The following HMGN5 variants were observed in gnomAD, a reference collection of about 807,000 sequenced individuals.
HMGN5 encodes high mobility group nucleosome binding domain 5, also known as high mobility group nucleosome-binding domain-containing protein 5.
Under a neutral mutation model 9.5 loss-of-function variants are expected in HMGN5, and 4 were observed. That is an observed-to-expected ratio of 0.42 (90% CI 0.21 to 0.96). The LOEUF (loss-of-function observed/expected upper bound fraction) is 0.96. Ranked by LOEUF, HMGN5 falls within the 40% of genes least tolerant of loss-of-function variation. HMGN5 has a pLI of 0.30. For missense variants in HMGN5, 192 were observed against 187.5 expected, an observed-to-expected ratio of 1.02 and a Z score of -0.14; for synonymous variants, 55 against 57.1, an observed-to-expected ratio of 0.96 and a Z score of 0.16.
intron 1 of HMGN5, among the ~76,000 whole-genome samples, chrX:81,162,884 G>A (rs770833725): frequency 6.3e-5 from 7 of 111,189 alleles, no homozygotes; most frequent in African/African-American, 2.3e-4. Flanking sequence ...GCAGATTATA[G>A]CAAATTGTAG....
chrX:81,163,047 T>G (rs1036090058), intron 1 of HMGN5, among the ~76,000 whole-genome samples: 1 of 111,556 alleles, frequency 9.0e-6, no homozygotes, highest in African/African-American at 3.3e-5. Context: ...TTTTGTGACT[T>G]CCAAAGCTAG....
chrX:81,200,387 C>G (rs2147658709), intron 1 of HMGN5, among the ~76,000 whole-genome samples: 1 of 112,083 alleles, frequency 8.9e-6, no homozygotes, highest in African/African-American at 3.2e-5. Context: ...ATAAATCTTT[C>G]TATAATAAAG....
At chrX:81,178,106 A>G (rs2147641080) in intron 1 of HMGN5, among the ~76,000 whole-genome samples, 1 of 111,988 alleles carries the variant, frequency 8.9e-6, no homozygotes, top group African/African-American at 3.2e-5. Context: ...CCCATAAGAG[A>G]AAGCAGGAAA....
intron 1 of HMGN5, among the ~76,000 whole-genome samples, chrX:81,153,640 T>TATATATATAA (rs2075374973): frequency 1.9e-5 from 1 of 51,409 alleles, no homozygotes; most frequent in African/African-American, 7.8e-5. Context: ...TATATATATA[T>TATATATATAA]GTATCTCCTT....
intron 1 of HMGN5, among the ~76,000 whole-genome samples, chrX:81,197,232 A>C (rs2075511466): frequency 8.9e-6 from 1 of 112,623 alleles, no homozygotes; most frequent in South Asian, 3.6e-4. Context: ...ATTTCTCTGC[A>C]GAAACAGGAA....
At chrX:81,153,552 T>C (rs1425568412) in intron 1 of HMGN5, among the ~76,000 whole-genome samples, 1 of 4,052 alleles carries the variant, frequency 2.5e-4, no homozygotes, top group Non-Finnish European at 4.4e-4. Context: ...AAACTCTGCC[T>C]CTCTCTCTCT....
chrX:81,161,524 T>C (rs771844022), intron 1 of HMGN5, among the ~76,000 whole-genome samples: 7 of 111,362 alleles, frequency 6.3e-5, no homozygotes, highest in Non-Finnish European at 9.4e-5. Context: ...TACTCAATTA[T>C]TGCTAACTGA....
intron 1 of HMGN5, among the ~76,000 whole-genome samples, chrX:81,198,855 A>G (rs1233248759): frequency 8.9e-6 from 1 of 111,972 alleles, no homozygotes; most frequent in Non-Finnish European, 1.9e-5. Flanking sequence ...CCTATTTAAC[A>G]TAGTGTTGGA....
chrX:81,138,330 TTA>T (rs1385972362), intron 1 of HMGN5, among the ~76,000 whole-genome samples: 3 of 111,730 alleles, frequency 2.7e-5, no homozygotes, highest in African/African-American at 9.7e-5. Flanking sequence ...TTTAATTTTT[TTA>T]TTTTTAATTG....
chrX:81,196,294 G>T (rs758118263), intron 1 of HMGN5, among the ~76,000 whole-genome samples: 2 of 110,615 alleles, frequency 1.8e-5, no homozygotes, highest in African/African-American at 3.3e-5. Flanking sequence ...GATGTTGTTG[G>T]TTCTTCTAAA....
chrX:81,192,239 C>A (rs1026472354), intron 1 of HMGN5, among the ~76,000 whole-genome samples: 6 of 111,519 alleles, frequency 5.4e-5, no homozygotes, highest in Admixed American at 1.9e-4. Context: ...ATGAGATTGG[C>A]CTGTGTATTT....
chrX:81,140,009 T>A (rs1451037592), intron 1 of HMGN5, among the ~76,000 whole-genome samples: 2 of 112,107 alleles, frequency 1.8e-5, no homozygotes, highest in Non-Finnish European at 3.8e-5. Context: ...AGACACCAGC[T>A]GGAGCAGTCA....
chrX:81,170,073 A>G (rs971093165), intron 1 of HMGN5, among the ~76,000 whole-genome samples: 11 of 105,760 alleles, frequency 1.0e-4, no homozygotes, highest in South Asian at 4.1e-4. Flanking sequence ...AAAAAAAAAA[A>G]CCATGGAGGA....
At chrX:81,144,909 G>T (rs140503392) in intron 1 of HMGN5, among the ~76,000 whole-genome samples, 10 of 111,500 alleles carry the variant, frequency 9.0e-5, no homozygotes, top group African/African-American at 2.6e-4. Context: ...AGAGATCAAA[G>T]ATCAACTCAA....
intron 1 of HMGN5, among the ~76,000 whole-genome samples, chrX:81,123,871 G>A (rs190651473): frequency 8.9e-6 from 1 of 112,181 alleles, no homozygotes; most frequent in East Asian, 2.8e-4. Context: ...CTTGGCAAAG[G>A]GTTTGATTGA....
chrX:81,191,385 A>G (rs2075493843), intron 1 of HMGN5, among the ~76,000 whole-genome samples: 1 of 112,153 alleles, frequency 8.9e-6, no homozygotes, highest in African/African-American at 3.2e-5. Context: ...TTCACCACTA[A>G]GTATACTGTT....
intron 5 of HMGN5, among the ~76,000 whole-genome samples, chrX:81,118,140 A>G (rs2075259454): frequency 1.8e-5 from 2 of 110,670 alleles, no homozygotes; most frequent in African/African-American, 6.6e-5. Flanking sequence ...TTGTTTTCCC[A>G]GGGAAACAGT....
chrX:81,199,709 C>G (rs2075519669), intron 1 of HMGN5, among the ~76,000 whole-genome samples: 2 of 111,934 alleles, frequency 1.8e-5, no homozygotes, highest in South Asian at 7.4e-4. Flanking sequence ...TTTCCTTACA[C>G]CGTATACAAA....
intron 1 of HMGN5, among the ~76,000 whole-genome samples, chrX:81,142,426 T>C (rs905842979): frequency 9.0e-6 from 1 of 111,335 alleles, no homozygotes; most frequent in African/African-American, 3.3e-5. Flanking sequence ...ATAGTCAAAC[T>C]CCCAAATACA....
Sources: gnomAD v4.1 joint callset for allele counts (sites outside exome capture counted in the v4.1 genomes callset) on GRCh38, gnomAD v4.1.1 for gene constraint, MANE v1.5 for transcripts, NCBI Gene and HGNC (gene_info 2026-07-23, HGNC 2026-07-21) for gene names.